Variants in UNC13B observed in about 807,000 individuals in gnomAD.
UNC13B encodes the protein protein unc-13 homolog B.
In UNC13B, 144 loss-of-function variants were observed where a neutral mutation model predicts 211.0. The ratio of observed to expected loss-of-function variants is 0.68; its 90% CI spans 0.60 to 0.78. The LOEUF is 0.78. Ranked by LOEUF, UNC13B falls within the 30% of genes least tolerant of loss-of-function variation. The probability of loss-of-function intolerance (pLI) is 0.00; values close to 1 mark genes in which losing one functional copy is unlikely to be tolerated. For missense variants in UNC13B, 1,777 were observed against 2,002.0 expected (o/e 0.89, Z 2.14); for synonymous variants, 709 against 725.8 (o/e 0.98, Z 0.37).
chr9:35,369,046 A>C (rs1833954384), intron 12 of UNC13B, among the ~76,000 whole-genome samples: 1 of 152,190 alleles, frequency 6.6e-6, no homozygotes, highest in Admixed American at 6.5e-5. Context: ...CGTCCTTAGA[A>C]GCTGTCCTAA....
At chr9:35,187,065 T>C (rs192697863) in intron 1 of UNC13B, among the ~76,000 whole-genome samples, 2 of 152,336 alleles carry the variant, frequency 1.3e-5, no homozygotes, top group African/African-American at 4.8e-5. Flanking sequence ...GGAAATTCTC[T>C]GTCCGATATT....
chr9:35,267,229 C>T (rs1306610061), intron 7 of UNC13B, among the ~76,000 whole-genome samples: 5 of 152,180 alleles, frequency 3.3e-5, no homozygotes, highest in African/African-American at 1.2e-4. Context: ...CTCCAAGTTG[C>T]ACTTGCTCCA....
At chr9:35,244,701 A>T (rs1425934752) in intron 6 of UNC13B, among the ~76,000 whole-genome samples, 3 of 152,082 alleles carry the variant, frequency 2.0e-5, no homozygotes, top group African/African-American at 7.2e-5. Flanking sequence ...TCTGTGTCTA[A>T]ATTTCCATTT....
chr9:35,378,567 C>T (rs958824956), intron 17 of UNC13B, 131 bp downstream of exon 17: 21 of 1,183,818 alleles, frequency 1.8e-5, no homozygotes, highest in Admixed American at 1.5e-4. Context: ...TCGCATGCTT[C>T]GTTCAGACAT....
At position 35,310,709 on chromosome 9, in the gene UNC13B, A is replaced by C. The variant is rs752450018; in HGVS notation, c.9251A>C (p.Lys3084Thr). The C allele has an allele frequency of 3.7e-6, 6 of 1,613,908 alleles. No homozygotes were observed. In the Middle Eastern group the frequency reaches 9.9e-4, roughly 265 times the overall value. ...GCAGCATGTGAACCCAAGGAGATGA[A>C]AGAAGATGCCACAACCCACCCTCCC... Reference protein sequence around the residue: ...KEAACEPKEMKEDATTHPPPD... With the variant: ...KEAACEPKEMTEDATTHPPPD... The change falls in exon 10 of 40, where the codon AAA (lysine) becomes ACA (threonine). Residue 3084 changes from lysine (K) to threonine (T), a missense_variant. By Grantham distance (78) the Lys-to-Thr change is moderately conservative. Transcript: ENST00000635942.
At position 35,231,151 on chromosome 9, in the gene UNC13B, A is replaced by C; in HGVS notation, c.84A>C (p.Val28=). The part of the protein sequence containing the change: ...DKFNTYVTLK[V]QNVKSTTVAV... The stretch of plus-strand genomic sequence containing the variant: ...TTAACACATATGTGACCCTGAAAGT[A>C]CAGAATGTGAAGAGCACAACTGTAG... Residue 28 remains valine, a synonymous_variant, in exon 3 of 40, where the codon GTA becomes GTC. Coordinates refer to ENST00000635942, the MANE Select transcript of UNC13B (RefSeq NM_001371189.2). 6.2e-7 allele frequency: 1 copy of C among 1,613,286 alleles called. No individual in the cohort carries two copies. The highest frequency in any genetic ancestry group is 8.5e-7 in the Non-Finnish European group (1 of 1,179,386).
At chr9:35,238,909 AT>A (rs200109307) in intron 5 of UNC13B, among the ~76,000 whole-genome samples, 35,584 of 138,710 alleles carry the variant, frequency 0.26, 4,610 homozygotes, top group Admixed American at 0.34. Context: ...GGGTTTTTTC[AT>A]TTTTTTTTTT....
chr9:35,248,933 G>A (rs986348429), intron 6 of UNC13B, among the ~76,000 whole-genome samples: 2 of 152,058 alleles, frequency 1.3e-5, no homozygotes, highest in African/African-American at 2.4e-5. Flanking sequence ...GTCTCGTTGA[G>A]CTGTCTATTG....
intron 6 of UNC13B, 115 bp from the exon 7 acceptor site, chr9:35,258,877 TA>T (rs1224171639): frequency 1.1e-6 from 1 of 924,472 alleles, no homozygotes; most frequent in Non-Finnish European, 1.6e-6. Context: ...TTCTGTTCAA[TA>T]AAAATTTTGT....
chr9:35,326,285 C>A (rs1831005780), intron 11 of UNC13B, among the ~76,000 whole-genome samples: 1 of 152,142 alleles, frequency 6.6e-6, no homozygotes, highest in African/African-American at 2.4e-5. Flanking sequence ...GTTTAGTAGT[C>A]TCCTCTTAAA....
At chr9:35,357,930 A>G (rs79743641) in intron 11 of UNC13B, among the ~76,000 whole-genome samples, 4,467 of 152,244 alleles carry the variant, frequency 0.029, 227 homozygotes, top group African/African-American at 0.1. Context: ...CTCTATACCT[A>G]TTAAATAGTA....
At chr9:35,185,386 C>T (rs1026807309) in intron 1 of UNC13B, among the ~76,000 whole-genome samples, 4 of 152,194 alleles carry the variant, frequency 2.6e-5, no homozygotes, top group South Asian at 2.1e-4. Flanking sequence ...TCCTTTGGTA[C>T]ACTAGAAAAT....
At chr9:35,189,047 G>T (rs981172669) in intron 1 of UNC13B, among the ~76,000 whole-genome samples, 1 of 152,158 alleles carries the variant, frequency 6.6e-6, no homozygotes, top group Non-Finnish European at 1.5e-5. Context: ...TTGTTTGCAA[G>T]ATTAATTTTT....
intron 11 of UNC13B, among the ~76,000 whole-genome samples, chr9:35,345,342 G>C (rs1587665429): frequency 6.6e-6 from 1 of 152,042 alleles, no homozygotes; most frequent in Non-Finnish European, 1.5e-5. Context: ...AGCAGGGTGG[G>C]GTATCAGTGG....
intron 7 of UNC13B, among the ~76,000 whole-genome samples, chr9:35,290,318 C>G (rs1231144674): frequency 6.6e-6 from 1 of 151,488 alleles, no homozygotes; most frequent in Non-Finnish European, 1.5e-5. Context: ...CTCAGAACAC[C>G]ATCATTTAGG....
intron 11 of UNC13B, chr9:35,351,375 G>T: frequency 2.4e-6 from 3 of 1,227,940 alleles, no homozygotes; most frequent in Non-Finnish European, 3.0e-6. Flanking sequence ...GCAGCACTGT[G>T]GGCTAAGCCC....
intron 7 of UNC13B, among the ~76,000 whole-genome samples, chr9:35,284,274 C>CA (rs555960180): frequency 1.5e-4 from 23 of 151,772 alleles, no homozygotes; most frequent in African/African-American, 5.3e-4. Flanking sequence ...TCAAAAAAAC[C>CA]AAAAAAACAA....
chr9:35,310,316 T>C, intron 9 of UNC13B, 151 bp from the exon 10 acceptor site: 1 of 797,114 alleles, frequency 1.3e-6, no homozygotes, highest in Non-Finnish European at 1.9e-6. Flanking sequence ...GACTAATTCT[T>C]CTAGATTATG....
chr9:35,305,694 C>T lies in UNC13B; in HGVS notation c.6290C>T (p.Ser2097Phe). 2.5e-6 allele frequency: 1 copy of T among 398,962 alleles called. No individual in the cohort carries two copies. The highest frequency in any genetic ancestry group is 4.4e-6 in the Non-Finnish European group (1 of 226,016). The allele number at this position is 398,962 out of a possible 1,614,324, so 24.7% of individuals were successfully genotyped here. A position where few individuals can be genotyped will look rare whatever the true frequency, so the allele number is the denominator to read the frequency against. The change falls in exon 9 of 40, where the codon TCT becomes TTT. Residue 2097 changes from serine (S) to phenylalanine (F), a missense_variant. Transcript: ENST00000635942. ...TTTTCAACAAGTAGTCTCAAAGAGTCTTCCAGGGAGTCTTCAGTAGAAACT... is the reference window on the plus strand; with the variant it reads ...TTTTCAACAAGTAGTCTCAAAGAGTTTTCCAGGGAGTCTTCAGTAGAAACT... ...SSFSTSSLKE[S>F]SRESSVETSG... is the part of the protein sequence containing the mutation.
Sources: allele counts gnomAD v4.1 joint callset (sites outside exome capture counted in the v4.1 genomes callset), GRCh38; gene constraint gnomAD v4.1.1; transcripts MANE v1.5; gene names NCBI Gene and HGNC (gene_info 2026-07-23, HGNC 2026-07-21).